The following FAT3 variants were observed in gnomAD, a reference collection of about 807,000 sequenced individuals.
FAT3 encodes the protein protocadherin Fat 3.
In FAT3, 95 loss-of-function variants were observed where a neutral mutation model predicts 310.2. The observed-to-expected ratio is 0.31, with a 90% CI of 0.26 to 0.36. The LOEUF (loss-of-function observed/expected upper bound fraction) is 0.36. Ranked by LOEUF, FAT3 falls within the 10% of genes least tolerant of loss-of-function variation. FAT3 has a pLI of 1.00. For missense variants in FAT3, 5,408 were observed against 5,715.6 expected (o/e 0.95, Z 1.74); for synonymous variants, 2,314 against 2,192.9 (o/e 1.06, Z -1.54).
chr11:92,714,505 A>G (rs1015004852), intron 4 of FAT3, among the ~76,000 whole-genome samples: 16 of 152,120 alleles, frequency 1.1e-4, no homozygotes, highest in African/African-American at 3.6e-4. Flanking sequence ...AAAGCACAAA[A>G]AAGGAAAAAA....
intron 3 of FAT3, among the ~76,000 whole-genome samples, chr11:92,576,607 C>T (rs139669761): frequency 1.7e-3 from 254 of 152,206 alleles, no homozygotes; most frequent in African/African-American, 5.8e-3. Context: ...ACACTGTTTA[C>T]ATACTCTGTG....
At chr11:92,618,242 G>A (rs571730475) in intron 3 of FAT3, among the ~76,000 whole-genome samples, 23 of 152,308 alleles carry the variant, frequency 1.5e-4, no homozygotes, top group Admixed American at 4.6e-4. Context: ...CTGTGCTAGC[G>A]GTGAGCGAGG....
At chr11:92,595,352 AG>A (rs1333062154) in intron 3 of FAT3, among the ~76,000 whole-genome samples, 5 of 152,140 alleles carry the variant, frequency 3.3e-5, no homozygotes, top group African/African-American at 9.7e-5. Flanking sequence ...TGCATTTCTG[AG>A]AAGGCTGGAA....
intron 3 of FAT3, among the ~76,000 whole-genome samples, chr11:92,565,046 C>T (rs1225450938): frequency 1.4e-5 from 2 of 144,694 alleles, no homozygotes; most frequent in East Asian, 2.1e-4. Flanking sequence ...CAGAGCAGAA[C>T]TGAAGGAAAT....
chr11:92,336,579 C>T, intron 1 of FAT3: 1 of 161,868 alleles, frequency 6.2e-6, no homozygotes, highest in Non-Finnish European at 1.3e-5. Flanking sequence ...TGATGCCTTT[C>T]CATGAACTGT....
At chr11:92,816,845 G>A (rs1007430012) in intron 13 of FAT3, among the ~76,000 whole-genome samples, 1 of 151,894 alleles carries the variant, frequency 6.6e-6, no homozygotes, top group East Asian at 1.9e-4. Flanking sequence ...GTGTGGTGAC[G>A]TGCGCCTGTA....
At chr11:92,268,440 A>G (rs1260743315) in intron 1 of FAT3, among the ~76,000 whole-genome samples, 2 of 152,148 alleles carry the variant, frequency 1.3e-5, no homozygotes, top group South Asian at 2.1e-4. Flanking sequence ...AACATGTTTG[A>G]CAATTGTAAC....
chr11:92,354,571 A>G lies in FAT3; in HGVS notation c.2459A>G (p.Asn820Ser), dbSNP rs1271004144. ...TCGTCATGGAGACTGCTGACCATCAATGTGGAGGATGCTAATGACAATAGC... is the reference window on the plus strand; with the variant it reads ...TCGTCATGGAGACTGCTGACCATCAGTGTGGAGGATGCTAATGACAATAGC... ...QKSSWRLLTI[N>S]VEDANDNSPV... Residue 820 changes from asparagine to serine, a missense_variant, in exon 2 of 28, where the codon AAT becomes AGT. Physicochemically the swap from Asn to Ser is conservative, Grantham distance 46 (BLOSUM62 1). Around this residue, in one of 5 missense-constraint regions of FAT3, gnomAD observed 4,588 missense variants for 4,809.8 expected, o/e 0.95. Coordinates refer to ENST00000525166, the MANE Select transcript of FAT3 (RefSeq NM_001367949.2). 7 of 1,613,758 alleles carry G rather than the reference A, an allele frequency of 4.3e-6. No individual in the cohort carries two copies. The highest frequency in any genetic ancestry group is 1.6e-4 in the Middle Eastern group (1 of 6,082).
chr11:92,599,420 C>G (rs953285004), intron 3 of FAT3, among the ~76,000 whole-genome samples: 5 of 152,150 alleles, frequency 3.3e-5, no homozygotes, highest in African/African-American at 4.8e-5. Context: ...ATTCAATGAC[C>G]TCCTACTAGG....
intron 4 of FAT3, among the ~76,000 whole-genome samples, chr11:92,730,354 A>G (rs1445777552): frequency 2.0e-5 from 3 of 152,196 alleles, no homozygotes; most frequent in Non-Finnish European, 4.4e-5. Flanking sequence ...AAAAATTAAT[A>G]TATCAAAATT....
intron 7 of FAT3, among the ~76,000 whole-genome samples, chr11:92,780,188 G>T (rs908180503): frequency 6.7e-6 from 1 of 149,456 alleles, no homozygotes; most frequent in African/African-American, 2.5e-5. Context: ...CCAGGACAGG[G>T]TCTCACTCTG....
chr11:92,312,219 C>T (rs1319113137), intron 1 of FAT3, among the ~76,000 whole-genome samples: 1 of 152,150 alleles, frequency 6.6e-6, no homozygotes, highest in African/African-American at 2.4e-5. Context: ...TACAGGAATT[C>T]GTGATTCTGT....
chr11:92,755,825 G>A (rs534089855), intron 4 of FAT3, among the ~76,000 whole-genome samples: 26 of 152,222 alleles, frequency 1.7e-4, no homozygotes, highest in Non-Finnish European at 2.5e-4. Flanking sequence ...AGGTCATGGG[G>A]GATTGTGAAT....
intron 1 of FAT3, among the ~76,000 whole-genome samples, chr11:92,228,129 G>C (rs1426927090): frequency 6.6e-6 from 1 of 152,104 alleles, no homozygotes; most frequent in Non-Finnish European, 1.5e-5. Flanking sequence ...GAATCACACA[G>C]AGAACTCCAC....
At chr11:92,447,050 CAT>C in intron 2 of FAT3, among the ~76,000 whole-genome samples, 1 of 151,946 alleles carries the variant, frequency 6.6e-6, no homozygotes, top group African/African-American at 2.4e-5. Context: ...CAGGAGTTCA[CAT>C]ACTACAGAAC....
intron 2 of FAT3, among the ~76,000 whole-genome samples, chr11:92,465,098 G>A (rs1017263341): frequency 6.6e-6 from 1 of 152,118 alleles, no homozygotes; most frequent in Admixed American, 6.6e-5. Flanking sequence ...ATGCAGTTAG[G>A]GTAACTAATA....
At chr11:92,315,498 T>TAGAG (rs1947423154) in intron 1 of FAT3, among the ~76,000 whole-genome samples, 1 of 92,104 alleles carries the variant, frequency 1.1e-5, no homozygotes, top group African/African-American at 4.0e-5. Flanking sequence ...TATATATATA[T>TAGAG]ATATATATAT....
intron 2 of FAT3, among the ~76,000 whole-genome samples, chr11:92,360,266 A>G (rs1403886701): frequency 6.6e-6 from 1 of 152,228 alleles, no homozygotes; most frequent in Non-Finnish European, 1.5e-5. Context: ...AATTGCTTCA[A>G]AGAGAATGTT....
intron 2 of FAT3, chr11:92,498,821 C>T (rs1952843733): frequency 6.6e-6 from 1 of 152,308 alleles, no homozygotes; most frequent in South Asian, 2.1e-4. Context: ...TTATACTGAA[C>T]ATAGCAGGTG....
Sources: allele counts gnomAD v4.1 joint callset (sites outside exome capture counted in the v4.1 genomes callset), GRCh38; gene constraint gnomAD v4.1.1; regional missense constraint gnomAD v4.1.1; transcripts MANE v1.5; gene names NCBI Gene and HGNC (gene_info 2026-07-23, HGNC 2026-07-21).